SAMD5: variants seen among roughly 807,000 people sequenced by gnomAD.
The protein encoded by SAMD5 is sterile alpha motif domain containing 5.
Under a neutral mutation model 11.3 loss-of-function variants are expected in SAMD5, and 13 were observed. The observed-to-expected ratio is 1.15, with a 90% CI of 0.75 to 1.83. The LOEUF is 1.83. Among genes scored for constraint, SAMD5 ranks in the 40% most tolerant of loss-of-function variants. The pLI is 0.00. For missense variants in SAMD5, 255 were observed against 239.1 expected (o/e 1.07, Z -0.44); for synonymous variants, 129 against 111.3 (o/e 1.16, Z -1.00).
chr6:147,920,093 G>A, the SAMD5 span, among the ~76,000 whole-genome samples: 4 of 152,172 alleles, frequency 2.6e-5, no homozygotes, highest in South Asian at 4.1e-4. Context: ...TGGATTGAAG[G>A]ATGGAAAGTA....
chr6:147,929,525 A>C, the SAMD5 span, among the ~76,000 whole-genome samples: 1 of 152,236 alleles, frequency 6.6e-6, no homozygotes, highest in Non-Finnish European at 1.5e-5. Context: ...TTTAAAAACC[A>C]AACTAAAACT....
chr6:147,562,763 A>C (rs1029926501), intron 1 of SAMD5, among the ~76,000 whole-genome samples: 1 of 152,080 alleles, frequency 6.6e-6, no homozygotes, highest in South Asian at 2.1e-4. Context: ...CGGAGCTTGC[A>C]GTGAGCCGAG....
At chr6:147,787,692 T>C in the SAMD5 span, among the ~76,000 whole-genome samples, 1 of 152,174 alleles carries the variant, frequency 6.6e-6, no homozygotes, top group Admixed American at 6.5e-5. Context: ...GAGACAAATA[T>C]ATGAAAGCCT....
intron 1 of SAMD5, among the ~76,000 whole-genome samples, chr6:147,596,227 T>C (rs1297952114): frequency 6.6e-6 from 1 of 152,202 alleles, no homozygotes; most frequent in Non-Finnish European, 1.5e-5. Flanking sequence ...TTTCTCCATT[T>C]TTTAAAATGA....
intron 1 of SAMD5, among the ~76,000 whole-genome samples, chr6:147,642,008 C>G (rs1378112341): frequency 6.6e-6 from 1 of 152,118 alleles, no homozygotes; most frequent in Non-Finnish European, 1.5e-5. Context: ...TATTGTTCTG[C>G]TTTAATTCAT....
intron 1 of SAMD5, among the ~76,000 whole-genome samples, chr6:147,521,821 G>A (rs1392594409): frequency 1.3e-5 from 2 of 152,004 alleles, no homozygotes; most frequent in Non-Finnish European, 2.9e-5. Context: ...GAGAGTGGGT[G>A]TTCTTGTCAT....
chr6:147,802,790 A>G, the SAMD5 span, among the ~76,000 whole-genome samples: 2 of 152,256 alleles, frequency 1.3e-5, no homozygotes, highest in East Asian at 1.9e-4. Flanking sequence ...ACCAGATACA[A>G]GCGTATAGAC....
the SAMD5 span, among the ~76,000 whole-genome samples, chr6:147,765,837 G>A: frequency 6.6e-6 from 1 of 152,152 alleles, no homozygotes; most frequent in African/African-American, 2.4e-5. Flanking sequence ...CCAGTTGAAG[G>A]CTGAAGTGAG....
At chr6:147,758,988 C>T in the SAMD5 span, among the ~76,000 whole-genome samples, 1 of 152,096 alleles carries the variant, frequency 6.6e-6, no homozygotes, top group Non-Finnish European at 1.5e-5. Context: ...AAAAACAAAA[C>T]CTAAACAAAC....
At chr6:147,847,344 T>A in the SAMD5 span, among the ~76,000 whole-genome samples, 2 of 152,232 alleles carry the variant, frequency 1.3e-5, no homozygotes. Flanking sequence ...CCACGCACGT[T>A]GTTGCTCACA....
chr6:147,651,283 G>T (rs908025775), intron 1 of SAMD5, among the ~76,000 whole-genome samples: 1 of 152,180 alleles, frequency 6.6e-6, no homozygotes, highest in Non-Finnish European at 1.5e-5. Flanking sequence ...GGAAGCCTTT[G>T]GTTCATTGAA....
chr6:147,713,305 A>G (rs1791424326), intron 1 of SAMD5, among the ~76,000 whole-genome samples: 1 of 152,212 alleles, frequency 6.6e-6, no homozygotes, highest in African/African-American at 2.4e-5. Context: ...ACAACACTCA[A>G]ACTACAGCTC....
At chr6:147,611,147 C>T (rs773817809) in intron 1 of SAMD5, among the ~76,000 whole-genome samples, 7 of 152,104 alleles carry the variant, frequency 4.6e-5, no homozygotes, top group Non-Finnish European at 1.0e-4. Context: ...GCTGGGATTA[C>T]AGGCATTAGC....
chr6:147,770,854 T>C, the SAMD5 span, among the ~76,000 whole-genome samples: 1 of 152,228 alleles, frequency 6.6e-6, no homozygotes, highest in Non-Finnish European at 1.5e-5. Context: ...AACTAGCTAC[T>C]GTGCAATTCA....
At chr6:147,820,102 T>A in the SAMD5 span, among the ~76,000 whole-genome samples, 4 of 152,120 alleles carry the variant, frequency 2.6e-5, no homozygotes, top group Non-Finnish European at 5.9e-5. Context: ...GGATAAGAAT[T>A]TCTTTGATTT....
At chr6:147,839,826 A>T in the SAMD5 span, among the ~76,000 whole-genome samples, 2 of 152,214 alleles carry the variant, frequency 1.3e-5, no homozygotes, top group Non-Finnish European at 2.9e-5. Context: ...TGACAGTATA[A>T]GTGCCTATTA....
At chr6:147,801,633 G>C in the SAMD5 span, among the ~76,000 whole-genome samples, 1 of 152,142 alleles carries the variant, frequency 6.6e-6, no homozygotes, top group Non-Finnish European at 1.5e-5. Flanking sequence ...AGGTAGCACA[G>C]GGCTGTTGTC....
At chr6:147,595,934 G>A (rs1789525445) in intron 1 of SAMD5, among the ~76,000 whole-genome samples, 2 of 152,092 alleles carry the variant, frequency 1.3e-5, no homozygotes, top group South Asian at 4.1e-4. Context: ...CTCCGTATTA[G>A]TATTACTCTT....
the SAMD5 span, among the ~76,000 whole-genome samples, chr6:147,757,220 T>G: frequency 1.3e-5 from 2 of 152,228 alleles, no homozygotes; most frequent in African/African-American, 4.8e-5. Context: ...GCAGTCATCA[T>G]TGATCTACAA....
Sources: allele counts gnomAD v4.1 joint callset (sites outside exome capture counted in the v4.1 genomes callset), GRCh38; gene constraint gnomAD v4.1.1; transcripts MANE v1.5; gene names NCBI Gene and HGNC (gene_info 2026-07-23, HGNC 2026-07-21).